The following RRM1 variants were observed in gnomAD, a reference collection of about 807,000 sequenced individuals.
RRM1 encodes ribonucleotide reductase catalytic subunit M1, also known as ribonucleoside-diphosphate reductase large subunit.
In RRM1, 19 loss-of-function variants were observed where a neutral mutation model predicts 101.5. The ratio of observed to expected loss-of-function variants is 0.19; its 90% CI spans 0.13 to 0.27. RRM1 has a LOEUF of 0.27. Ranked by LOEUF, RRM1 falls within the 10% of genes least tolerant of loss-of-function variation. RRM1 has a pLI of 1.00. For missense variants in RRM1, 500 were observed against 962.9 expected (o/e 0.52, Z 6.36); for synonymous variants, 298 against 323.4 (o/e 0.92, Z 0.84).
chr11:4,116,922 A>G (rs1256809961), intron 7 of RRM1, among the ~76,000 whole-genome samples: 2 of 151,854 alleles, frequency 1.3e-5, no homozygotes, highest in Non-Finnish European at 2.9e-5. Context: ...AGCTATGATC[A>G]TGCCACTGCA....
At chr11:4,130,578 C>T (rs563783545) in intron 15 of RRM1, among the ~76,000 whole-genome samples, 1 of 152,160 alleles carries the variant, frequency 6.6e-6, no homozygotes, top group African/African-American at 2.4e-5. Context: ...TGCCTGTAAT[C>T]CCAGCTACTT....
chr11:4,126,955 T>G, intron 13 of RRM1, 80 bp from the exon 14 acceptor site: 1 of 1,436,992 alleles, frequency 7.0e-7, no homozygotes, highest in Non-Finnish European at 9.6e-7. Context: ...AAAGAGGTAG[T>G]CTGTCTCATT....
intron 12 of RRM1, among the ~76,000 whole-genome samples, chr11:4,126,176 A>G (rs1282036044): frequency 6.6e-6 from 1 of 152,228 alleles, no homozygotes; most frequent in Non-Finnish European, 1.5e-5. Context: ...TCAGAATATC[A>G]GTGAAGGTGA....
Position 4,123,761 on chromosome 11 carries a change from T to C in RRM1, c.1320+377T>C, listed in dbSNP as rs113624120. Among the ~76,000 whole-genome samples, 995 of 152,260 alleles carry C rather than the reference T, an allele frequency of 6.5e-3. 4 individuals are homozygous for C. The highest frequency in any genetic ancestry group is 0.022 in the African/African-American group (921 of 41,542). On this transcript the variant is annotated intron_variant, in intron 12 of 18. Coordinates refer to ENST00000300738, the MANE Select transcript of RRM1 (RefSeq NM_001033.5). ...AAGTGGAGGCTGCAGTGGGCTGAGATTGTGCCACTGTACTCCATCCTGGGC... is the reference window on the plus strand; with the variant it reads ...AAGTGGAGGCTGCAGTGGGCTGAGACTGTGCCACTGTACTCCATCCTGGGC...
intron 18 of RRM1, chr11:4,137,349 G>A (rs1057392686): frequency 5.6e-6 from 1 of 177,940 alleles, no homozygotes; most frequent in Non-Finnish European, 1.2e-5. Context: ...GGGGCGGCGG[G>A]GCAGAGGCGC....
intron 15 of RRM1, among the ~76,000 whole-genome samples, chr11:4,130,066 T>TTTTATATATATATATATATATATATATA (rs1554976191): frequency 3.0e-5 from 1 of 32,974 alleles, no homozygotes; most frequent in African/African-American, 1.0e-4. Flanking sequence ...TGTACTGTAT[T>TTTTATATATATATATATATATATATATA]TATATATATA....
At chr11:4,130,062 G>GTGTATATA (rs1554976174) in intron 15 of RRM1, among the ~76,000 whole-genome samples, 3 of 9,130 alleles carry the variant, frequency 3.3e-4, no homozygotes, top group Non-Finnish European at 1.2e-3. Flanking sequence ...GACCTGTACT[G>GTGTATATA]TATTTATATA....
chr11:4,131,387 T>G (rs1009103962), intron 15 of RRM1, among the ~76,000 whole-genome samples: 3 of 152,162 alleles, frequency 2.0e-5, no homozygotes, highest in African/African-American at 7.2e-5. Flanking sequence ...CTATATCCAG[T>G]TGTACAGACT....
At chr11:4,130,066 T>TTTTATA (rs1554976191) in intron 15 of RRM1, among the ~76,000 whole-genome samples, 2 of 32,972 alleles carry the variant, frequency 6.1e-5, no homozygotes, top group African/African-American at 2.0e-4. Flanking sequence ...TGTACTGTAT[T>TTTTATA]TATATATATA....
At chr11:4,097,285 A>G (rs1339165244) in intron 1 of RRM1, among the ~76,000 whole-genome samples, 1 of 150,812 alleles carries the variant, frequency 6.6e-6, no homozygotes, top group African/African-American at 2.4e-5. Context: ...TCTCAAAAAA[A>G]AAAAAAAAAA....
chr11:4,113,191 TTAATG>T lies in RRM1; in HGVS notation c.650+1134_650+1138del, dbSNP rs2094567962. Among the ~76,000 whole-genome samples, 4 of 152,328 alleles carry T rather than the reference TTAATG, an allele frequency of 2.6e-5. No individual in the cohort carries two copies. The South Asian group carries it at 8.3e-4, about 32-fold the overall frequency. On this transcript the variant is annotated intron_variant, in intron 7 of 18. Transcript: ENST00000300738. ...GAACATGGTAACATCAAAAAATACA[TTAATG>T]TAATTCATTGCATTAACATTTTATG...
rs2412346 is a variant in RRM1, at chr11:4,114,287, G to A, written c.650+2225G>A. ...ATGAAGGCCTGGCTGGGCGTGGTGG[G>A]TCATGCCTGTAATCTCAGCACTTTG... On this transcript the variant is annotated intron_variant, in intron 7 of 18. Coordinates refer to ENST00000300738, the MANE Select transcript of RRM1 (RefSeq NM_001033.5). Among the ~76,000 whole-genome samples the A allele has an allele frequency of 2.0e-3, 306 of 152,072 alleles. 1 individual carries two copies. The highest frequency in any genetic ancestry group is 2.1e-3 in the Non-Finnish European group (140 of 67,956).
chr11:4,122,250 A>C, intron 11 of RRM1, 30 bp downstream of exon 11: 1 of 1,430,262 alleles, frequency 7.0e-7, no homozygotes, highest in Non-Finnish European at 9.8e-7. Context: ...GAAAACAATA[A>C]TGTTTTAATC....
chr11:4,128,187 A>G (rs1298447703), intron 14 of RRM1, among the ~76,000 whole-genome samples: 1 of 144,306 alleles, frequency 6.9e-6, no homozygotes, highest in Non-Finnish European at 1.5e-5. Context: ...TTTGAGACAG[A>G]GTCTCACTTT....
At chr11:4,100,273 G>A (rs2094549293) in intron 1 of RRM1, among the ~76,000 whole-genome samples, 1 of 152,238 alleles carries the variant, frequency 6.6e-6, no homozygotes, top group African/African-American at 2.4e-5. Flanking sequence ...TGAGAATACA[G>A]ATGTGAATCA....
At chr11:4,095,163 G>A (rs1228350643) in intron 1 of RRM1, 132 bp downstream of exon 1, 1 of 1,041,296 alleles carries the variant, frequency 9.6e-7, no homozygotes, top group African/African-American at 1.6e-5. Flanking sequence ...GCGGCCTTCC[G>A]CCCTGTCAGC....
chr11:4,107,590 A>G, intron 4 of RRM1, 55 bp downstream of exon 4: 1 of 1,101,752 alleles, frequency 9.1e-7, no homozygotes, highest in South Asian at 1.3e-5. Flanking sequence ...TTAATAATGC[A>G]CACATTTTAG....
chr11:4,103,702 A>G (rs1006619873), intron 2 of RRM1, among the ~76,000 whole-genome samples: 1 of 151,828 alleles, frequency 6.6e-6, no homozygotes, highest in Admixed American at 6.6e-5. Flanking sequence ...GGCCCACTGC[A>G]GCCTCCACCC....
intron 1 of RRM1, among the ~76,000 whole-genome samples, chr11:4,097,400 C>T (rs1675450745): frequency 6.6e-6 from 1 of 150,992 alleles, no homozygotes; most frequent in African/African-American, 2.4e-5. Context: ...GCTGTAGATT[C>T]TGCCATTGTA....
Sources: gnomAD v4.1 joint callset for allele counts (sites outside exome capture counted in the v4.1 genomes callset) on GRCh38, gnomAD v4.1.1 for gene constraint, MANE v1.5 for transcripts, NCBI Gene and HGNC (gene_info 2026-07-23, HGNC 2026-07-21) for gene names.